The following SRC variants were observed in gnomAD, a reference collection of about 807,000 sequenced individuals.
SRC encodes the protein proto-oncogene tyrosine-protein kinase Src.
Under a neutral mutation model 62.9 loss-of-function variants are expected in SRC, and 13 were observed. The observed-to-expected ratio is 0.21, with a 90% CI of 0.13 to 0.33. The LOEUF (loss-of-function observed/expected upper bound fraction) is 0.33, where lower values mean the gene tolerates loss of function less well. Among genes scored for constraint, SRC ranks in the 10% least tolerant of loss-of-function variants. SRC has a pLI of 1.00. For synonymous variants in SRC, 302 were observed against 317.5 expected (o/e 0.95, Z 0.52); for missense variants, 457 against 737.3 (o/e 0.62, Z 4.40).
At chr20:37,359,822 G>A (rs2069939388) in intron 1 of SRC, among the ~76,000 whole-genome samples, 1 of 152,162 alleles carries the variant, frequency 6.6e-6, no homozygotes. Flanking sequence ...GTGGACCAGT[G>A]AGGTGGCTGC....
At position 37,372,289 on chromosome 20, in the gene SRC, G is replaced by A. The variant is rs751755721; in HGVS notation, c.-173+7012G>A. On this transcript the variant is annotated intron_variant, in intron 2 of 13. Coordinates refer to ENST00000373578, the MANE Select transcript of SRC (RefSeq NM_198291.3). ...AGGCGTGAGCCACCACATCTAGACG[G>A]TTTCCTTTTTTTAAAATATAGGATT... 9.9e-4 allele frequency among the ~76,000 whole-genome samples: 151 copies of A among 152,124 alleles called. 3 individuals are homozygous for A. Among genetic ancestry groups the A allele is most frequent in the Non-Finnish European group, 8.7e-4 (59 of 68,022 alleles).
At chr20:37,390,749 C>T (rs1382094485) in intron 5 of SRC, among the ~76,000 whole-genome samples, 1 of 152,066 alleles carries the variant, frequency 6.6e-6, no homozygotes, top group South Asian at 2.1e-4. Context: ...GCTGACCCTG[C>T]AGATGAGGAA....
chr20:37,345,464 A>G (rs1048264854), upstream of SRC, among the ~76,000 whole-genome samples: 6 of 152,126 alleles, frequency 3.9e-5, no homozygotes, highest in Non-Finnish European at 7.4e-5. Flanking sequence ...GAACTAGGGG[A>G]CTTCCGATGG....
chr20:37,348,015 C>T (rs2069748325), intron 1 of SRC, among the ~76,000 whole-genome samples: 1 of 152,184 alleles, frequency 6.6e-6, no homozygotes, highest in Non-Finnish European at 1.5e-5. Flanking sequence ...TCTTTCCACC[C>T]AAGGAAATGA....
chr20:37,382,925 A>C (rs1269137209), intron 3 of SRC, 139 bp downstream of exon 3: 2 of 152,132 alleles, frequency 1.3e-5, no homozygotes, highest in African/African-American at 4.8e-5. Flanking sequence ...CGTCAGGGGG[A>C]GTTTTCAACT....
chr20:37,391,079 T>C (rs113995536), intron 5 of SRC, among the ~76,000 whole-genome samples: 3,153 of 152,282 alleles, frequency 0.021, 111 homozygotes, highest in African/African-American at 0.072. Context: ...TCTTGGGCCC[T>C]GCTTGGCTGG....
At chr20:37,394,399 G>C in intron 7 of SRC, 122 bp downstream of exon 7, 2 of 784,016 alleles carry the variant, frequency 2.6e-6, no homozygotes, top group South Asian at 3.2e-5. Flanking sequence ...CCGGGTGGAG[G>C]TAATGGCAGG....
At chr20:37,358,853 C>G (rs1171758699) in intron 1 of SRC, among the ~76,000 whole-genome samples, 1 of 152,278 alleles carries the variant, frequency 6.6e-6, no homozygotes, top group Non-Finnish European at 1.5e-5. Flanking sequence ...CGTCTCCACC[C>G]CAGCCCCACT....
intron 10 of SRC, 30 bp downstream of exon 10, chr20:37,400,324 A>G: frequency 6.3e-7 from 1 of 1,582,764 alleles, no homozygotes; most frequent in Admixed American, 1.7e-5. Flanking sequence ...GGCAGGGGGC[A>G]GGGGCACTCC....
At chr20:37,355,815 G>T (rs1410963328) in intron 1 of SRC, among the ~76,000 whole-genome samples, 1 of 152,340 alleles carries the variant, frequency 6.6e-6, no homozygotes, top group South Asian at 2.1e-4. Context: ...ATGTCTGGGG[G>T]TAGGAAGTAG....
At chr20:37,393,817 A>G in intron 5 of SRC, 78 bp from the exon 6 acceptor site, 1 of 1,111,342 alleles carries the variant, frequency 9.0e-7, no homozygotes, top group Admixed American at 1.8e-5. Flanking sequence ...TGAGCACAGC[A>G]CCTAGGAGGA....
chr20:37,355,712 G>A (rs3762206), intron 1 of SRC, among the ~76,000 whole-genome samples: 22,846 of 152,190 alleles, frequency 0.15, 1,821 homozygotes, highest in Middle Eastern at 0.22. Flanking sequence ...CGGAGGAGGT[G>A]ATACCTGGCC....
intron 4 of SRC, among the ~76,000 whole-genome samples, chr20:37,385,277 G>C (rs2070436710): frequency 6.6e-6 from 1 of 152,202 alleles, no homozygotes; most frequent in African/African-American, 2.4e-5. Context: ...ACACGGACAG[G>C]CGTGGACCCT....
At position 37,356,197 on chromosome 20, in the gene SRC, C is replaced by T. The variant is rs116967476; in HGVS notation, c.-246-9007C>T. On this transcript the variant is annotated intron_variant, in intron 1 of 13. Coordinates refer to ENST00000373578, the MANE Select transcript of SRC (RefSeq NM_198291.3). ...TGACTTACCGGAAGGATGGGAGGGA[C>T]CTCTGAGGGGAGATAGAGCTTGACA... 1.7e-3 allele frequency among the ~76,000 whole-genome samples: 266 copies of T among 152,140 alleles called. 9 individuals are homozygous for T. In the East Asian group the frequency reaches 0.048, roughly 27 times the overall value.
rs1272733560 is a variant in SRC, at chr20:37,384,594, G to C, written c.250+191G>C. ...ACTGTGAAGCGTCCGCGCCGCCGCC[G>C]CTGGCTTTGGGGTGGAGCAAGCGCA... On this transcript the variant is annotated intron_variant, in intron 4 of 13. Coordinates refer to ENST00000373578, the MANE Select transcript of SRC (RefSeq NM_198291.3). This position sits in a 1 kb window ranked among gnomAD's most constrained non-coding sequence, Gnocchi z 6.7. Among the ~76,000 whole-genome samples the C allele has an allele frequency of 2.0e-5, 3 of 152,064 alleles. No homozygotes were observed. The highest frequency in any genetic ancestry group is 4.8e-5 in the African/African-American group (2 of 41,348).
chr20:37,401,708 C>T (rs1248282979), intron 11 of SRC, 30 bp downstream of exon 11: 1 of 1,573,656 alleles, frequency 6.4e-7, no homozygotes, highest in Admixed American at 1.7e-5. Flanking sequence ...CTCCCCACAC[C>T]CTTGGTCCTC....
chr20:37,396,661 T>G lies in SRC; in HGVS notation c.703+350T>G. 3.1e-6 allele frequency: 1 copy of G among 325,334 alleles called. No homozygotes were observed. Among genetic ancestry groups the G allele is most frequent in the Non-Finnish European group, 5.9e-6 (1 of 170,266 alleles). 20.2% of individuals were successfully genotyped at this position (325,334 alleles called of 1,614,324 possible). On this transcript the variant is annotated intron_variant, in intron 8 of 13. Coordinates refer to ENST00000373578, the MANE Select transcript of SRC (RefSeq NM_198291.3). The surrounding 1 kb of genome is among the most constrained non-coding windows in gnomAD (Gnocchi z 6.1). ...CAGAGGCTGGTGTCATTTGTCTCTG[T>G]AGCCCTAGGACCGGTCTGAACCGGT... is the stretch of plus-strand genomic sequence containing the variant.
At chr20:37,355,541 A>C (rs1295735929) in intron 1 of SRC, among the ~76,000 whole-genome samples, 3 of 152,068 alleles carry the variant, frequency 2.0e-5, no homozygotes, top group Non-Finnish European at 1.5e-5. Flanking sequence ...TCCACCGGTG[A>C]TATCTGGGCC....
chr20:37,398,487 C>T lies in SRC; in HGVS notation c.859+633C>T, dbSNP rs1281310459. On this transcript the variant is annotated intron_variant, in intron 9 of 13. Transcript: ENST00000373578. This position sits in a 1 kb window ranked among gnomAD's most constrained non-coding sequence, Gnocchi z 5.2. The stretch of plus-strand genomic sequence containing the variant: ...CATGGTGCTAGCGGGGATCACGGTG[C>T]GCTGTTTTCAAGGTGGTTTCATCTG... Among the ~76,000 whole-genome samples the T allele has an allele frequency of 6.6e-6, 1 of 152,162 alleles. No individual in the cohort carries two copies. The highest frequency in any genetic ancestry group is 1.5e-5 in the Non-Finnish European group (1 of 68,014).
Sources: gnomAD v4.1 joint callset for allele counts (sites outside exome capture counted in the v4.1 genomes callset) on GRCh38, gnomAD v4.1.1 for gene constraint, Gnocchi (gnomAD v3.1) non-coding constraint, MANE v1.5 for transcripts, NCBI Gene and HGNC (gene_info 2026-07-23, HGNC 2026-07-21) for gene names.